Variants in PRICKLE2 observed in about 807,000 individuals in gnomAD.
The protein encoded by PRICKLE2 is prickle-like protein 2.
A neutral mutation model predicts 81.4 loss-of-function variants in PRICKLE2; 21 were observed. The ratio of observed to expected loss-of-function variants is 0.26; its 90% CI spans 0.18 to 0.37. The LOEUF (loss-of-function observed/expected upper bound fraction) is 0.37. Among genes scored for constraint, PRICKLE2 ranks in the 10% least tolerant of loss-of-function variants. PRICKLE2 has a pLI of 1.00. For synonymous variants in PRICKLE2, 456 were observed against 421.5 expected (o/e 1.08, Z -1.00); for missense variants, 940 against 1,109.0 (o/e 0.85, Z 2.16).
At chr3:64,257,605 T>TC (rs1441694442) in intron 2 of PRICKLE2, among the ~76,000 whole-genome samples, 1 of 152,066 alleles carries the variant, frequency 6.6e-6, no homozygotes, top group African/African-American at 2.4e-5. Context: ...CCACATCCAG[T>TC]CCCAGCCCAC....
chr3:64,198,327 G>C (rs932526561), intron 2 of PRICKLE2, among the ~76,000 whole-genome samples: 1 of 152,110 alleles, frequency 6.6e-6, no homozygotes, highest in Non-Finnish European at 1.5e-5. Flanking sequence ...GATGTCCTGA[G>C]AAAGAAATTT....
intron 2 of PRICKLE2, among the ~76,000 whole-genome samples, chr3:64,165,094 G>C (rs907311199): frequency 6.6e-6 from 1 of 152,196 alleles, no homozygotes; most frequent in Non-Finnish European, 1.5e-5. Flanking sequence ...GCTAATATGA[G>C]ATGAATTACT....
chr3:64,134,172 A>G (rs1288855241), intron 7 of PRICKLE2, among the ~76,000 whole-genome samples: 1 of 152,208 alleles, frequency 6.6e-6, no homozygotes, highest in Non-Finnish European at 1.5e-5. Flanking sequence ...GGATTGAGAG[A>G]TTTAAGCCAC....
intron 2 of PRICKLE2, among the ~76,000 whole-genome samples, chr3:64,256,233 T>C (rs979430464): frequency 9.2e-5 from 14 of 152,196 alleles, no homozygotes; most frequent in African/African-American, 3.4e-4. Flanking sequence ...GCCCAGGAGC[T>C]AAGAGTGATT....
intron 2 of PRICKLE2, among the ~76,000 whole-genome samples, chr3:64,256,357 T>A (rs1009571889): frequency 6.6e-6 from 1 of 152,154 alleles, no homozygotes; most frequent in Admixed American, 6.5e-5. Flanking sequence ...TTCGGAAAGG[T>A]TATACTCAAT....
At chr3:64,249,256 G>C (rs1462179812) in intron 2 of PRICKLE2, among the ~76,000 whole-genome samples, 1 of 147,516 alleles carries the variant, frequency 6.8e-6, no homozygotes, top group Non-Finnish European at 1.5e-5. Flanking sequence ...AAAGCGAAGG[G>C]GGAGCTGCCA....
chr3:64,104,345 T>C (rs2076720069), intron 7 of PRICKLE2: 1 of 152,246 alleles, frequency 6.6e-6, no homozygotes, highest in African/African-American at 2.4e-5. Context: ...TTCAAACTCA[T>C]GTCTAGAAAC....
chr3:64,109,093 C>T (rs2076801883), intron 7 of PRICKLE2, among the ~76,000 whole-genome samples: 1 of 152,112 alleles, frequency 6.6e-6, no homozygotes, highest in Non-Finnish European at 1.5e-5. Context: ...TTCCTGTCCA[C>T]CCAGTTGTTG....
At chr3:64,148,702 C>A (rs1440663371) in intron 6 of PRICKLE2, among the ~76,000 whole-genome samples, 1 of 152,132 alleles carries the variant, frequency 6.6e-6, no homozygotes, top group African/African-American at 2.4e-5. Flanking sequence ...GAGATTAGTG[C>A]CCTTATAACA....
intron 7 of PRICKLE2, among the ~76,000 whole-genome samples, chr3:64,128,921 T>TTA (rs2077156297): frequency 2.0e-5 from 3 of 151,884 alleles, no homozygotes; most frequent in Non-Finnish European, 4.4e-5. Context: ...ATTTTTTATT[T>TTA]TTTTTTTAAC....
intron 2 of PRICKLE2, among the ~76,000 whole-genome samples, chr3:64,241,213 A>G (rs957219746): frequency 1.1e-4 from 17 of 152,208 alleles, no homozygotes; most frequent in African/African-American, 4.1e-4. Flanking sequence ...CTCTCTACCT[A>G]TACAATGGCT....
At chr3:64,177,402 G>C (rs1357492108) in intron 2 of PRICKLE2, among the ~76,000 whole-genome samples, 1 of 151,808 alleles carries the variant, frequency 6.6e-6, no homozygotes, top group African/African-American at 2.4e-5. Flanking sequence ...CAAAGTGCTG[G>C]GATTATAGAC....
chr3:64,122,025 T>C (rs981931662), intron 7 of PRICKLE2, among the ~76,000 whole-genome samples: 3 of 152,172 alleles, frequency 2.0e-5, no homozygotes, highest in Non-Finnish European at 4.4e-5. Context: ...GTGTGGATTA[T>C]GGTTGAGGAA....
At chr3:64,152,107 A>T (rs1277117253) in intron 6 of PRICKLE2, among the ~76,000 whole-genome samples, 1 of 152,188 alleles carries the variant, frequency 6.6e-6, no homozygotes, top group Non-Finnish European at 1.5e-5. Flanking sequence ...TTTTATTTGA[A>T]TACATCACTT....
At chr3:64,221,417 TCATACA>T (rs1435584111) in intron 1 of PRICKLE2, among the ~76,000 whole-genome samples, 1 of 129,854 alleles carries the variant, frequency 7.7e-6, no homozygotes, top group Non-Finnish European at 1.6e-5. Flanking sequence ...CCTGCTTGAT[TCATACA>T]CACACACACA....
chr3:64,155,623 CT>C (rs1394545668), intron 5 of PRICKLE2, among the ~76,000 whole-genome samples: 6 of 152,120 alleles, frequency 3.9e-5, no homozygotes, highest in African/African-American at 1.4e-4. Context: ...GTGGAAACAA[CT>C]TAAATGTCCA....
chr3:64,147,280 C>T lies in PRICKLE2; in HGVS notation c.1210G>A (p.Gly404Arg). Residue 404 changes from glycine to arginine, a missense_variant, in exon 7 of 8, where the codon GGG (glycine) becomes AGG (arginine). Around this residue, in one of 2 missense-constraint regions of PRICKLE2, gnomAD observed 670 missense variants for 717.2 expected, o/e 0.93. Coordinates refer to ENST00000638394, the MANE Select transcript of PRICKLE2 (RefSeq NM_198859.4). The surrounding 1 kb of genome is among the most constrained non-coding windows in gnomAD (Gnocchi z 5.0). The part of the protein sequence containing the change: ...WRSREEPYHY[G>R]NKMEQNQTQS... ...GTCTGGTTCTGCTCCATCTTGTTCCCATAATGGTAGGGCTCTTCCCGGCTC... is the reference window on the plus strand; with the variant it reads ...GTCTGGTTCTGCTCCATCTTGTTCCTATAATGGTAGGGCTCTTCCCGGCTC... 1 of 1,612,796 alleles carries T rather than the reference C, an allele frequency of 6.2e-7. No homozygotes were observed. The highest frequency in any genetic ancestry group is 8.5e-7 in the Non-Finnish European group (1 of 1,179,030).
Position 64,258,749 on chromosome 3 carries a change from G to A in PRICKLE2, c.129-59782C>T, listed in dbSNP as rs1323936135. Among the ~76,000 whole-genome samples, 16 of 146,434 alleles carry A rather than the reference G, an allele frequency of 1.1e-4. No homozygotes were observed. The Middle Eastern group carries it at 0.011, about 100-fold the overall frequency. ...TGACGCAGGAGAATGGCACGAACCCGGGAGGCAGAGCTTGCAGTGAGCCGA... is the reference window on the plus strand; with the variant it reads ...TGACGCAGGAGAATGGCACGAACCCAGGAGGCAGAGCTTGCAGTGAGCCGA... On this transcript the variant is annotated intron_variant, in intron 2 of 8. Transcript: ENST00000295902.
intron 2 of PRICKLE2, among the ~76,000 whole-genome samples, chr3:64,264,209 A>AGTTACCAAACCTCTTTGAGCTT (rs2079661516): frequency 6.6e-6 from 1 of 152,100 alleles, no homozygotes; most frequent in Admixed American, 6.5e-5. Flanking sequence ...GTCTCAGGGG[A>AGTTACCAAACCTCTTTGAGCTT]GTTACCAAAC....
Sources: allele counts gnomAD v4.1 joint callset (sites outside exome capture counted in the v4.1 genomes callset), GRCh38; gene constraint gnomAD v4.1.1; regional missense constraint gnomAD v4.1.1; non-coding constraint Gnocchi (gnomAD v3.1); transcripts MANE v1.5; gene names NCBI Gene and HGNC (gene_info 2026-07-23, HGNC 2026-07-21).